MCTP1: variants seen among roughly 807,000 people sequenced by gnomAD.
MCTP1 encodes the protein multiple C2 and transmembrane domain-containing protein 1.
Under a neutral mutation model 120.6 loss-of-function variants are expected in MCTP1, and 69 were observed. That is an observed-to-expected ratio of 0.57 (90% CI 0.47 to 0.70). The LOEUF is 0.70. Ranked by LOEUF, MCTP1 falls within the 30% of genes least tolerant of loss-of-function variation. The probability of loss-of-function intolerance (pLI) is 0.00; values close to 1 mark genes in which losing one functional copy is unlikely to be tolerated. For missense variants in MCTP1, 1,203 were observed against 1,248.8 expected, an observed-to-expected ratio of 0.96 and a Z score of 0.55; for synonymous variants, 529 against 493.1, an observed-to-expected ratio of 1.07 and a Z score of -0.96.
At chr5:95,251,137 C>T (rs1757343676) in intron 1 of MCTP1, among the ~76,000 whole-genome samples, 2 of 152,060 alleles carry the variant, frequency 1.3e-5, no homozygotes, top group African/African-American at 4.8e-5. Flanking sequence ...CAAGAAAGAG[C>T]ATGGGCGGCT....
At chr5:95,201,940 G>A (rs1333503972) in intron 1 of MCTP1, among the ~76,000 whole-genome samples, 8 of 149,272 alleles carry the variant, frequency 5.4e-5, no homozygotes, top group African/African-American at 2.6e-5. Flanking sequence ...CTGGTATGGG[G>A]ATGAGAAATT....
At chr5:95,067,303 G>T (rs995214457) in intron 1 of MCTP1, among the ~76,000 whole-genome samples, 2 of 152,154 alleles carry the variant, frequency 1.3e-5, no homozygotes, top group African/African-American at 2.4e-5. Context: ...TCACCACAAA[G>T]AAGTGACAAA....
chr5:95,004,675 T>C (rs571758823), intron 2 of MCTP1, among the ~76,000 whole-genome samples: 2 of 152,336 alleles, frequency 1.3e-5, no homozygotes, highest in East Asian at 3.9e-4. Flanking sequence ...CCTTGGCAGC[T>C]TTCATGTGAT....
chr5:94,924,170 C>A, intron 6 of MCTP1, 149 bp from the exon 7 acceptor site: 1 of 453,996 alleles, frequency 2.2e-6, no homozygotes. Context: ...TGTAAGTTTT[C>A]TTCCCTTGAG....
intron 17 of MCTP1, among the ~76,000 whole-genome samples, chr5:94,829,387 G>A (rs999344580): frequency 2.0e-5 from 3 of 152,222 alleles, no homozygotes; most frequent in Non-Finnish European, 4.4e-5. Context: ...CTCGCTGGGA[G>A]CTGCAGACCA....
chr5:95,049,338 A>G (rs1745320785), intron 1 of MCTP1, among the ~76,000 whole-genome samples: 1 of 152,130 alleles, frequency 6.6e-6, no homozygotes, highest in Admixed American at 6.6e-5. Flanking sequence ...TCTTTGGAGA[A>G]GGCCTGAATT....
chr5:94,734,645 T>G (rs1386143468), intron 19 of MCTP1, among the ~76,000 whole-genome samples: 3 of 152,178 alleles, frequency 2.0e-5, no homozygotes, highest in Non-Finnish European at 4.4e-5. Context: ...TTTGGAGAGA[T>G]AGGATCTCAC....
At chr5:95,144,687 G>T (rs1260634980) in intron 1 of MCTP1, among the ~76,000 whole-genome samples, 2 of 152,058 alleles carry the variant, frequency 1.3e-5, no homozygotes, top group East Asian at 3.9e-4. Flanking sequence ...GCTCATTTTT[G>T]TCAGCTTTGT....
At chr5:94,776,855 C>T (rs1775462846) in intron 19 of MCTP1, among the ~76,000 whole-genome samples, 1 of 152,170 alleles carries the variant, frequency 6.6e-6, no homozygotes, top group East Asian at 1.9e-4. Flanking sequence ...ACATTTACCG[C>T]TGTGAAAGCC....
intron 1 of MCTP1, among the ~76,000 whole-genome samples, chr5:95,208,077 C>T (rs1751875019): frequency 6.6e-6 from 1 of 151,650 alleles, no homozygotes; most frequent in Admixed American, 6.6e-5. Context: ...TAACAAGAAA[C>T]AGATTACCCT....
At chr5:94,892,277 C>T (rs778688255) in intron 11 of MCTP1, among the ~76,000 whole-genome samples, 1 of 152,170 alleles carries the variant, frequency 6.6e-6, no homozygotes, top group Non-Finnish European at 1.5e-5. Context: ...TCAAGCCCAT[C>T]GTCTCACGGT....
intron 1 of MCTP1, among the ~76,000 whole-genome samples, chr5:95,136,015 A>G (rs184073024): frequency 6.6e-6 from 1 of 152,342 alleles, no homozygotes; most frequent in East Asian, 1.9e-4. Context: ...ATATAATTGA[A>G]GTAGGTTTTA....
At chr5:95,229,614 G>A (rs551330891) in intron 1 of MCTP1, among the ~76,000 whole-genome samples, 11 of 152,116 alleles carry the variant, frequency 7.2e-5, no homozygotes, top group East Asian at 1.9e-4. Context: ...GGTGGCGGGC[G>A]CCTGTAATCT....
At chr5:94,883,170 G>T (rs967934549) in intron 12 of MCTP1, among the ~76,000 whole-genome samples, 2 of 152,210 alleles carry the variant, frequency 1.3e-5, no homozygotes, top group South Asian at 2.1e-4. Flanking sequence ...TTAAGGAAAA[G>T]ATTTATATAG....
chr5:94,993,029 T>G (rs1424540340), intron 2 of MCTP1, among the ~76,000 whole-genome samples: 1 of 152,222 alleles, frequency 6.6e-6, no homozygotes, highest in Non-Finnish European at 1.5e-5. Flanking sequence ...TAACTTACAC[T>G]CACAGAATTT....
chr5:94,951,706 T>C (rs1345334822), intron 3 of MCTP1, among the ~76,000 whole-genome samples: 1 of 152,184 alleles, frequency 6.6e-6, no homozygotes, highest in Non-Finnish European at 1.5e-5. Context: ...ATTACAAAGA[T>C]AATTCCTTTT....
At chr5:94,978,205 T>C (rs1231911245) in intron 2 of MCTP1, among the ~76,000 whole-genome samples, 2 of 151,908 alleles carry the variant, frequency 1.3e-5, no homozygotes, top group Non-Finnish European at 2.9e-5. Context: ...TATCAACACG[T>C]GTTGGTGAGG....
intron 19 of MCTP1, among the ~76,000 whole-genome samples, chr5:94,764,260 C>T (rs539996926): frequency 6.6e-6 from 1 of 152,288 alleles, no homozygotes; most frequent in African/African-American, 2.4e-5. Context: ...CCACAGACGC[C>T]ATCAAAGGTA....
At chr5:95,095,043 A>G (rs1362270940) in intron 1 of MCTP1, among the ~76,000 whole-genome samples, 25 of 57,708 alleles carry the variant, frequency 4.3e-4, no homozygotes, top group Non-Finnish European at 5.6e-4. Flanking sequence ...TTTTTTTTTG[A>G]GACGGAGTCT....
Sources: allele counts gnomAD v4.1 joint callset (sites outside exome capture counted in the v4.1 genomes callset), GRCh38; gene constraint gnomAD v4.1.1; transcripts MANE v1.5; gene names NCBI Gene and HGNC (gene_info 2026-07-23, HGNC 2026-07-21).